The following ZNF410 variants were observed in gnomAD, a reference collection of about 807,000 sequenced individuals.
ZNF410 encodes another partner for ARF 1.
A neutral mutation model predicts 54.8 loss-of-function variants in ZNF410; 18 were observed. The observed-to-expected ratio is 0.33, with a 90% CI of 0.23 to 0.49. The LOEUF (loss-of-function observed/expected upper bound fraction) is 0.49, where lower values mean the gene tolerates loss of function less well. ZNF410 is among the 20% of genes least tolerant of loss of function. ZNF410 has a pLI of 0.99. For synonymous variants in ZNF410, 191 were observed against 207.3 expected (o/e 0.92, Z 0.68); for missense variants, 405 against 569.6 (o/e 0.71, Z 2.94).
Position 73,921,101 on chromosome 14 carries a change from A to G in ZNF410, c.1125A>G (p.Gln375=), listed in dbSNP as rs761311701. ...CAGCTGGGAGTCAAGAGCAGGAGCAAACTGGTGAGGAGGGTGGGCATAGTG... is the reference window on the plus strand; with the variant it reads ...CAGCTGGGAGTCAAGAGCAGGAGCAGACTGGTGAGGAGGGTGGGCATAGTG... ...LGAAGSQEQE[Q]TAEPLMGSSL... is the part of the protein sequence containing the mutation. Residue 375 remains glutamine (Q), a synonymous_variant, in exon 9 of 12, where the codon CAA becomes CAG. Coordinates refer to ENST00000555044, the MANE Select transcript of ZNF410 (RefSeq NM_021188.3). 6.2e-7 allele frequency: 1 copy of G among 1,613,900 alleles called. No homozygotes were observed. The highest frequency in any genetic ancestry group is 8.5e-7 in the Non-Finnish European group (1 of 1,179,942).
In ZNF410 at chr14:73,904,973, T is replaced by C; in HGVS notation, c.803T>C (p.Val268Ala). ...KSFYVLQRLK[V>A]HMRTHNGEKP... ...TTCTATGTGCTGCAGAGGCTGAAGGTGCACATGAGGACCCACAATGGAGAG... is the reference window on the plus strand; with the variant it reads ...TTCTATGTGCTGCAGAGGCTGAAGGCGCACATGAGGACCCACAATGGAGAG... The change falls in exon 7 of 12, where the codon GTG (valine) becomes GCG (alanine). Residue 268 changes from valine to alanine, a missense_variant. Val to Ala is a moderately conservative substitution (Grantham distance 64). This residue lies in a region of ZNF410 where 247 missense variants were observed against 342.8 expected (regional missense o/e 0.72). Transcript: ENST00000555044. 1 of 1,614,202 alleles carries C rather than the reference T, an allele frequency of 6.2e-7. No individual in the cohort carries two copies. Among genetic ancestry groups the C allele is most frequent in the South Asian group, 1.1e-5 (1 of 91,078 alleles).
At chr14:73,923,940 AT>A (rs755140030) in intron 11 of ZNF410, among the ~76,000 whole-genome samples, 43 of 152,266 alleles carry the variant, frequency 2.8e-4, no homozygotes, top group Admixed American at 4.6e-4. Context: ...AGGAGCAAGT[AT>A]TTCCTAGAGA....
At position 73,901,760 on chromosome 14, in the gene ZNF410, A is replaced by C. The variant is rs894124092; in HGVS notation, c.581-2200A>C. On this transcript the variant is annotated intron_variant, in intron 5 of 11. Transcript: ENST00000555044. ...GGCAACATGGCAAAACCCCATCTCT[A>C]CAAAAAAAAAATAGAAAAAATTAGC... 2.6e-5 allele frequency among the ~76,000 whole-genome samples: 4 copies of C among 150,956 alleles called. No homozygotes were observed. In the East Asian group the frequency reaches 7.9e-4, roughly 30 times the overall value.
intron 7 of ZNF410, among the ~76,000 whole-genome samples, chr14:73,905,906 TATACACATACATATATATACACATAC>T (rs1482685270): frequency 5.3e-5 from 8 of 150,178 alleles, no homozygotes; most frequent in Non-Finnish European, 1.2e-4. Flanking sequence ...TACATACATA[TATACACATACATATATATACACATAC>T]ATACATATAT....
Position 73,931,830 on chromosome 14 carries a change from T to A in ZNF410, c.*289T>A. On this transcript the variant is annotated 3_prime_UTR_variant, in exon 12 of 12. Coordinates refer to ENST00000555044, the MANE Select transcript of ZNF410 (RefSeq NM_021188.3). ...GATAGACCAAAAGTGAATTTGATTA[T>A]GTGTTGGCTGAAGTTCTTCATTCTG... is the stretch of plus-strand genomic sequence containing the variant. 4.5e-6 allele frequency: 2 copies of A among 448,318 alleles called. No individual in the cohort carries two copies. Among genetic ancestry groups the A allele is most frequent in the Middle Eastern group, 3.3e-4 (1 of 3,072 alleles). 27.8% of individuals were successfully genotyped at this position (448,318 alleles called of 1,614,324 possible). A position where few individuals can be genotyped will look rare whatever the true frequency, so the allele number is the denominator to read the frequency against.
rs2055237726 is a variant in ZNF410, at chr14:73,892,016, C to T, written c.-149-11C>T. 1 of 796,920 alleles carries T rather than the reference C, an allele frequency of 1.3e-6. No homozygotes were observed. Among genetic ancestry groups the T allele is most frequent in the Non-Finnish European group, 2.2e-6 (1 of 454,588 alleles). 49.4% of individuals were successfully genotyped at this position (796,920 alleles called of 1,614,324 possible). A position where few individuals can be genotyped will look rare whatever the true frequency, so the allele number is the denominator to read the frequency against. ...TTAATGCCCCCTCTCTCTTTTTTACCCCTATTCTAGGTTACATTGATTACC... is the reference window on the plus strand; with the variant it reads ...TTAATGCCCCCTCTCTCTTTTTTACTCCTATTCTAGGTTACATTGATTACC... On this transcript the variant is annotated splice_polypyrimidine_tract_variant and intron_variant, in intron 1 of 11. Transcript: ENST00000555044.
At chr14:73,905,968 C>CACATATATATATATAT (rs1461702433) in intron 7 of ZNF410, among the ~76,000 whole-genome samples, 3 of 78,942 alleles carry the variant, frequency 3.8e-5, no homozygotes, top group African/African-American at 1.3e-4. Context: ...CACACACACA[C>CACATATATATATATAT]ATATATATAT....
At chr14:73,910,110 A>G (rs1224755669) in intron 8 of ZNF410, among the ~76,000 whole-genome samples, 3 of 152,152 alleles carry the variant, frequency 2.0e-5, no homozygotes, top group African/African-American at 4.8e-5. Context: ...CCTGTAGGAC[A>G]TGGTGATTTA....
chr14:73,894,051 G>A (rs2055273165), intron 3 of ZNF410, 119 bp downstream of exon 3: 1 of 1,323,544 alleles, frequency 7.6e-7, no homozygotes, highest in South Asian at 1.5e-5. Flanking sequence ...GTAAAAATTA[G>A]GAGTCATGGA....
At chr14:73,889,702 GAA>G (rs1383869895) in intron 1 of ZNF410, among the ~76,000 whole-genome samples, 1 of 151,670 alleles carries the variant, frequency 6.6e-6, no homozygotes, top group East Asian at 1.9e-4. Flanking sequence ...GCTTGAATAA[GAA>G]AAATATGTGT....
At chr14:73,888,911 C>T (rs1334705410) in intron 1 of ZNF410, among the ~76,000 whole-genome samples, 2 of 152,056 alleles carry the variant, frequency 1.3e-5, no homozygotes, top group Non-Finnish European at 2.9e-5. Context: ...AACTTGGACA[C>T]AAAAATTGTA....
At chr14:73,918,341 C>A (rs899519248) in intron 8 of ZNF410, among the ~76,000 whole-genome samples, 2 of 152,182 alleles carry the variant, frequency 1.3e-5, no homozygotes, top group Non-Finnish European at 1.5e-5. Context: ...CTCAAGTGAT[C>A]TACCTGCCTT....
intron 7 of ZNF410, among the ~76,000 whole-genome samples, chr14:73,908,660 A>G (rs182205511): frequency 5.3e-5 from 8 of 152,270 alleles, no homozygotes; most frequent in Non-Finnish European, 1.0e-4. Context: ...GGCTCTGCTC[A>G]CAGTATTCCT....
At chr14:73,908,495 G>A (rs552218522) in intron 7 of ZNF410, among the ~76,000 whole-genome samples, 3 of 152,060 alleles carry the variant, frequency 2.0e-5, no homozygotes, top group East Asian at 3.9e-4. Flanking sequence ...AAAAGCTACC[G>A]GTGGAGAGTC....
chr14:73,901,832 G>A (rs1324168268), intron 5 of ZNF410, among the ~76,000 whole-genome samples: 2 of 151,454 alleles, frequency 1.3e-5, no homozygotes, highest in East Asian at 3.9e-4. Context: ...TACTTGGGAG[G>A]CTGAGGTGGG....
intron 5 of ZNF410, among the ~76,000 whole-genome samples, chr14:73,900,398 C>T (rs1477064385): frequency 5.4e-5 from 8 of 147,954 alleles, no homozygotes; most frequent in African/African-American, 1.0e-4. Flanking sequence ...TTTTTGAGAC[C>T]GAGTCTCAGT....
intron 11 of ZNF410, chr14:73,927,175 TC>T: frequency 3.8e-6 from 1 of 264,252 alleles, no homozygotes; most frequent in Non-Finnish European, 8.2e-6. Flanking sequence ...AACCTCTACC[TC>T]CCGAATTCAA....
intron 9 of ZNF410, among the ~76,000 whole-genome samples, chr14:73,921,677 A>G (rs563431020): frequency 6.6e-6 from 1 of 152,200 alleles, no homozygotes; most frequent in South Asian, 2.1e-4. Context: ...GGGTTTCACC[A>G]TGTTGGCCAG....
intron 8 of ZNF410, among the ~76,000 whole-genome samples, chr14:73,912,732 T>G (rs1037720186): frequency 6.6e-6 from 1 of 152,264 alleles, no homozygotes; most frequent in South Asian, 2.1e-4. Flanking sequence ...ACTTCTAGTA[T>G]TTCATGTTTG....
Sources: gnomAD v4.1 joint callset for allele counts (sites outside exome capture counted in the v4.1 genomes callset) on GRCh38, gnomAD v4.1.1 for gene constraint, gnomAD v4.1.1 regional missense constraint, MANE v1.5 for transcripts, NCBI Gene and HGNC (gene_info 2026-07-23, HGNC 2026-07-21) for gene names.